The following RBM38 variants were observed in gnomAD, a reference collection of about 807,000 sequenced individuals.
RBM38 encodes the protein RNA binding motif protein 38, also known as RNA-binding protein 38.
A neutral mutation model predicts 23.5 loss-of-function variants in RBM38; 11 were observed. The ratio of observed to expected loss-of-function variants is 0.47; its 90% CI spans 0.29 to 0.77. RBM38 has a LOEUF of 0.77. RBM38 is among the 30% of genes least tolerant of loss of function. The pLI is 0.08. For missense variants in RBM38, 330 were observed against 351.9 expected, an observed-to-expected ratio of 0.94 and a Z score of 0.50; for synonymous variants, 165 against 166.1, an observed-to-expected ratio of 0.99 and a Z score of 0.05.
intron 3 of RBM38, among the ~76,000 whole-genome samples, chr20:57,405,128 G>A (rs569006559): frequency 6.6e-5 from 10 of 152,296 alleles, no homozygotes; most frequent in South Asian, 2.1e-4. Flanking sequence ...CCTTCAAGAA[G>A]CCACCCTGGC....
At chr20:57,396,868 A>G (rs2067280056) in intron 3 of RBM38, among the ~76,000 whole-genome samples, 1 of 152,164 alleles carries the variant, frequency 6.6e-6, no homozygotes, top group Non-Finnish European at 1.5e-5. Context: ...GGCAGAAAGG[A>G]CAATAAGGGC....
chr20:57,404,362 A>T (rs1395544910), intron 3 of RBM38, among the ~76,000 whole-genome samples: 1 of 152,134 alleles, frequency 6.6e-6, no homozygotes, highest in Non-Finnish European at 1.5e-5. Flanking sequence ...TTGCGGGGAG[A>T]TGTCTGAGGC....
Position 57,407,878 on chromosome 20 carries a change from G to A in RBM38, c.*32G>A. On this transcript the variant is annotated 3_prime_UTR_variant, in exon 4 of 4. Coordinates refer to ENST00000356208, the MANE Select transcript of RBM38 (RefSeq NM_017495.6). This position sits in a 1 kb window ranked among gnomAD's most constrained non-coding sequence, Gnocchi z 4.0. Reference sequence around the variant, plus strand: ...TTCCTGCCCCGAGGACTGTGGCATTGTCACCTTCACAGCAGACAGAGCTGC... The same window carrying A: ...TTCCTGCCCCGAGGACTGTGGCATTATCACCTTCACAGCAGACAGAGCTGC... The A allele has an allele frequency of 6.6e-7, 1 of 1,524,106 alleles. No homozygotes were observed. The highest frequency in any genetic ancestry group is 8.8e-7 in the Non-Finnish European group (1 of 1,138,102). The allele number at this position is 1,524,106 out of a possible 1,614,324, so 94.4% of individuals were successfully genotyped here.
intron 2 of RBM38, chr20:57,392,993 T>C (rs1199115513): frequency 8.4e-6 from 6 of 713,436 alleles, no homozygotes; most frequent in Non-Finnish European, 1.4e-5. Flanking sequence ...GCAGGGAGGG[T>C]ACTGCACCCC....
At chr20:57,402,828 C>T (rs563754138) in intron 3 of RBM38, among the ~76,000 whole-genome samples, 2 of 152,384 alleles carry the variant, frequency 1.3e-5, no homozygotes, top group Non-Finnish European at 2.9e-5. Context: ...GCATGAGCCC[C>T]TCTGTCTCTC....
chr20:57,405,438 C>T (rs946604216), intron 3 of RBM38, among the ~76,000 whole-genome samples: 15 of 152,214 alleles, frequency 9.9e-5, no homozygotes, highest in African/African-American at 3.6e-4. Flanking sequence ...GGACAGGAGG[C>T]GCCACTGCGG....
At chr20:57,395,148 T>C (rs1368794057) in intron 3 of RBM38, among the ~76,000 whole-genome samples, 1 of 152,186 alleles carries the variant, frequency 6.6e-6, no homozygotes. Context: ...AGCAGGCCTC[T>C]GAGGATGGGA....
At chr20:57,406,809 C>A (rs1224558724) in intron 3 of RBM38, among the ~76,000 whole-genome samples, 6 of 151,800 alleles carry the variant, frequency 4.0e-5, no homozygotes, top group Non-Finnish European at 8.8e-5. Context: ...CTGGCTAACA[C>A]GGTGAAACCT....
In RBM38 at chr20:57,407,521, C is replaced by A. The variant is rs1459777614; in HGVS notation, c.417-22C>A. ...TTCCCCAACTCCGTTCTGGCCCTAA[C>A]CTGCTCTGCTTGGCCCCACAGGCTG... On this transcript the variant is annotated intron_variant, in intron 3 of 3. Transcript: ENST00000356208. The surrounding 1 kb of genome is among the most constrained non-coding windows in gnomAD (Gnocchi z 4.0). 1.9e-6 allele frequency: 3 copies of A among 1,610,482 alleles called. No homozygotes were observed. In the East Asian group the frequency reaches 6.7e-5, roughly 36 times the overall value.
chr20:57,392,833 T>C, intron 2 of RBM38, 56 bp downstream of exon 2: 2 of 1,588,794 alleles, frequency 1.3e-6, no homozygotes, highest in East Asian at 4.5e-5. Flanking sequence ...TGGGTGTCGG[T>C]ATCTGTCGGG....
intron 3 of RBM38, 114 bp downstream of exon 3, chr20:57,393,447 G>A: frequency 1.7e-6 from 2 of 1,179,596 alleles, no homozygotes; most frequent in Middle Eastern, 3.8e-4. Flanking sequence ...ACATTTGATT[G>A]CGTTTAAGCC....
In RBM38 at chr20:57,407,429, T is replaced by C; in HGVS notation, c.417-114T>C. The stretch of plus-strand genomic sequence containing the variant: ...GCTGTTTCTGTGCCCATCTGACCGA[T>C]GAGGAAAGTCGGGGCTCGGGGTGGG... On this transcript the variant is annotated intron_variant, in intron 3 of 3. Transcript: ENST00000356208. This position sits in a 1 kb window ranked among gnomAD's most constrained non-coding sequence, Gnocchi z 4.0. 2 of 1,225,768 alleles carry C rather than the reference T, an allele frequency of 1.6e-6. No homozygotes were observed. The highest frequency in any genetic ancestry group is 1.4e-5 in the South Asian group (1 of 69,016). 75.9% of individuals were successfully genotyped at this position (1,225,768 alleles called of 1,614,324 possible). A position where few individuals can be genotyped will look rare whatever the true frequency, so the allele number is the denominator to read the frequency against.
At position 57,407,007 on chromosome 20, in the gene RBM38, A is replaced by AC. The variant is rs993808193; in HGVS notation, c.417-536_417-535insC. On this transcript the variant is annotated intron_variant, in intron 3 of 3. Coordinates refer to ENST00000356208, the MANE Select transcript of RBM38 (RefSeq NM_017495.6). This position sits in a 1 kb window ranked among gnomAD's most constrained non-coding sequence, Gnocchi z 4.0. ...AGACTCTGTCTCAAAAAAAAAAAAAAAAACAAACCCTGTGAGGAGCAGGTG... is the reference window on the plus strand; with the variant it reads ...AGACTCTGTCTCAAAAAAAAAAAAAACAAACAAACCCTGTGAGGAGCAGGTG... Among the ~76,000 whole-genome samples, 1 of 150,290 alleles carries AC rather than the reference A, an allele frequency of 6.7e-6. No individual in the cohort carries two copies. The highest frequency in any genetic ancestry group is 2.5e-5 in the African/African-American group (1 of 40,094).
intron 3 of RBM38, among the ~76,000 whole-genome samples, chr20:57,396,404 G>A (rs1034746826): frequency 6.6e-6 from 1 of 152,228 alleles, no homozygotes. Flanking sequence ...GAGAGGGTCT[G>A]TGTCCAGGCA....
intron 3 of RBM38, among the ~76,000 whole-genome samples, chr20:57,406,876 C>T (rs905992881): frequency 1.6e-4 from 25 of 152,042 alleles, no homozygotes; most frequent in Admixed American, 1.3e-3. Context: ...CACCTGTAGT[C>T]CCAGCTACTC....
chr20:57,399,913 C>T (rs964204034), intron 3 of RBM38: 1 of 456,230 alleles, frequency 2.2e-6, no homozygotes, highest in Non-Finnish European at 4.4e-6. Context: ...TTGCCTTTTT[C>T]GTTTTTATTT....
chr20:57,405,547 A>G (rs1360644354), intron 3 of RBM38, among the ~76,000 whole-genome samples: 1 of 152,108 alleles, frequency 6.6e-6, no homozygotes, highest in Non-Finnish European at 1.5e-5. Context: ...GGATGGCTCA[A>G]CCTTGGAAGG....
At chr20:57,402,279 G>A (rs1251938761) in intron 3 of RBM38, among the ~76,000 whole-genome samples, 1 of 152,218 alleles carries the variant, frequency 6.6e-6, no homozygotes, top group African/African-American at 2.4e-5. Flanking sequence ...AAGGATTCAG[G>A]GATGGAGGCA....
intron 3 of RBM38, among the ~76,000 whole-genome samples, chr20:57,406,471 C>G (rs892241821): frequency 3.9e-5 from 6 of 152,208 alleles, no homozygotes; most frequent in African/African-American, 1.4e-4. Flanking sequence ...TCACCTGGCC[C>G]CGTGTGTGAA....
Sources: allele counts gnomAD v4.1 joint callset (sites outside exome capture counted in the v4.1 genomes callset), GRCh38; gene constraint gnomAD v4.1.1; non-coding constraint Gnocchi (gnomAD v3.1); transcripts MANE v1.5; gene names NCBI Gene and HGNC (gene_info 2026-07-23, HGNC 2026-07-21).